The following AKAP19 variants were observed in gnomAD, a reference collection of about 807,000 sequenced individuals.
AKAP19 encodes small A-kinase anchoring protein.
At chr2:190,184,735 G>A in the AKAP19 span, among the ~76,000 whole-genome samples, 2 of 152,268 alleles carry the variant, frequency 1.3e-5, no homozygotes, top group South Asian at 4.2e-4. Context: ...AGATAAAGGC[G>A]AGGTGGTGTG....
the AKAP19 span, chr2:190,062,617 C>G: frequency 6.2e-7 from 1 of 1,606,344 alleles, no homozygotes; most frequent in Non-Finnish European, 8.5e-7. Context: ...TCAATATAAT[C>G]TTTTTTCTTG....
the AKAP19 span, among the ~76,000 whole-genome samples, chr2:190,128,258 C>T: frequency 6.6e-6 from 1 of 152,100 alleles, no homozygotes; most frequent in African/African-American, 2.4e-5. Context: ...GGTAAAAATC[C>T]AATGAGAGGT....
chr2:190,007,217 T>A, the AKAP19 span, among the ~76,000 whole-genome samples: 1 of 152,198 alleles, frequency 6.6e-6, no homozygotes, highest in Non-Finnish European at 1.5e-5. Context: ...AAACTTTCTA[T>A]GGGGTACAGA....
chr2:190,010,226 C>T, the AKAP19 span, among the ~76,000 whole-genome samples: 13 of 152,260 alleles, frequency 8.5e-5, no homozygotes, highest in African/African-American at 2.9e-4. Context: ...TACTTTAGAT[C>T]AGAGCACGAA....
At chr2:189,894,298 A>G in the AKAP19 span, among the ~76,000 whole-genome samples, 1 of 152,172 alleles carries the variant, frequency 6.6e-6, no homozygotes, top group South Asian at 2.1e-4. Context: ...TTATATTATA[A>G]CACATTTATG....
chr2:189,961,447 C>T, the AKAP19 span, among the ~76,000 whole-genome samples: 2 of 152,044 alleles, frequency 1.3e-5, no homozygotes, highest in East Asian at 3.8e-4. Context: ...ATACAGAGAA[C>T]AGTTTTTATT....
the AKAP19 span, among the ~76,000 whole-genome samples, chr2:190,066,842 T>C: frequency 2.6e-5 from 4 of 152,220 alleles, no homozygotes; most frequent in Non-Finnish European, 1.5e-5. Context: ...TATTAGTTTA[T>C]GAAATATTTG....
chr2:190,200,245 G>A, the AKAP19 span: 1 of 980,148 alleles, frequency 1.0e-6, no homozygotes, highest in Non-Finnish European at 1.6e-6. Flanking sequence ...TAACTATCTG[G>A]ATTTAAAAAT....
the AKAP19 span, among the ~76,000 whole-genome samples, chr2:189,951,325 C>T: frequency 6.6e-6 from 1 of 151,812 alleles, no homozygotes; most frequent in South Asian, 2.1e-4. Context: ...CCTCAGCCTC[C>T]CAAGTAGCTG....
chr2:189,899,313 ACT>A, the AKAP19 span, among the ~76,000 whole-genome samples: 1 of 152,080 alleles, frequency 6.6e-6, no homozygotes, highest in Non-Finnish European at 1.5e-5. Context: ...CACTGCTGTG[ACT>A]CTTAGCAGTT....
chr2:189,912,339 G>A, the AKAP19 span, among the ~76,000 whole-genome samples: 2 of 152,058 alleles, frequency 1.3e-5, no homozygotes, highest in Admixed American at 6.6e-5. Context: ...CCAGGAGTTC[G>A]AGACCAGCCT....
chr2:190,196,707 C>T, the AKAP19 span, among the ~76,000 whole-genome samples: 1 of 152,056 alleles, frequency 6.6e-6, no homozygotes, highest in African/African-American at 2.4e-5. Flanking sequence ...TGAACTTAGT[C>T]AAATGTGGTC....
At chr2:190,075,691 T>C in the AKAP19 span, among the ~76,000 whole-genome samples, 5 of 152,188 alleles carry the variant, frequency 3.3e-5, no homozygotes, top group African/African-American at 4.8e-5. Context: ...TTGTATCTTT[T>C]CCCATCCATT....
the AKAP19 span, among the ~76,000 whole-genome samples, chr2:189,959,611 C>T: frequency 6.6e-6 from 1 of 152,112 alleles, no homozygotes; most frequent in African/African-American, 2.4e-5. Context: ...CTGAGTAAAG[C>T]TCTTTCTACA....
At chr2:190,105,559 G>A in the AKAP19 span, among the ~76,000 whole-genome samples, 1 of 152,128 alleles carries the variant, frequency 6.6e-6, no homozygotes, top group African/African-American at 2.4e-5. Flanking sequence ...TATATTTCAC[G>A]ATTCCTCTTT....
chr2:189,902,743 TC>T, the AKAP19 span, among the ~76,000 whole-genome samples: 1 of 152,128 alleles, frequency 6.6e-6, no homozygotes, highest in Non-Finnish European at 1.5e-5. Context: ...ACTGTATACT[TC>T]GCTTTTCAAA....
At chr2:189,941,295 C>G in the AKAP19 span, among the ~76,000 whole-genome samples, 1 of 152,140 alleles carries the variant, frequency 6.6e-6, no homozygotes, top group Non-Finnish European at 1.5e-5. Context: ...ATAAAATCCA[C>G]TGGTAAAATT....
the AKAP19 span, among the ~76,000 whole-genome samples, chr2:190,011,045 T>C: frequency 7.5e-6 from 1 of 132,736 alleles, no homozygotes; most frequent in Admixed American, 8.8e-5. Context: ...TCATTCTCTC[T>C]CTCTCTTTTT....
chr2:189,919,309 GA>G, the AKAP19 span, among the ~76,000 whole-genome samples: 1 of 152,074 alleles, frequency 6.6e-6, no homozygotes, highest in Admixed American at 6.6e-5. Context: ...AAATGTCTTG[GA>G]ACTAAAAGTG....
Sources: gnomAD v4.1 joint callset for allele counts (sites outside exome capture counted in the v4.1 genomes callset) on GRCh38, gnomAD v4.1.1 for gene constraint, MANE v1.5 for transcripts, NCBI Gene and HGNC (gene_info 2026-07-23, HGNC 2026-07-21) for gene names.